Variants in DLG2 observed in about 807,000 individuals in gnomAD.
The protein encoded by DLG2 is disks large homolog 2.
DLG2 carries 45 observed loss-of-function variants against 132.5 expected under a neutral mutation model. That is an observed-to-expected ratio of 0.34 (90% CI 0.27 to 0.44). The LOEUF (loss-of-function observed/expected upper bound fraction) is 0.44. Ranked by LOEUF, DLG2 falls within the 20% of genes least tolerant of loss-of-function variation. The pLI is 1.00. For missense variants in DLG2, 1,045 were observed against 1,196.9 expected, an observed-to-expected ratio of 0.87 and a Z score of 1.87; for synonymous variants, 424 against 419.6, an observed-to-expected ratio of 1.01 and a Z score of -0.13.
chr11:83,980,792 C>A, intron 11 of DLG2, 150 bp from the exon 12 acceptor site: 1 of 797,398 alleles, frequency 1.3e-6, no homozygotes, highest in Non-Finnish European at 1.8e-6. Context: ...GTATTTCAAT[C>A]TCGTTATTTA....
intron 7 of DLG2, among the ~76,000 whole-genome samples, chr11:84,333,319 T>C (rs1295481706): frequency 6.6e-6 from 1 of 152,216 alleles, no homozygotes; most frequent in East Asian, 1.9e-4. Flanking sequence ...ATACAACTGC[T>C]TTTGCTTTAA....
intron 17 of DLG2, among the ~76,000 whole-genome samples, chr11:83,819,829 A>G (rs1441720541): frequency 6.6e-6 from 1 of 152,130 alleles, no homozygotes; most frequent in Non-Finnish European, 1.5e-5. Flanking sequence ...GGTCAGTCCA[A>G]CGTTGAAGAA....
At chr11:83,856,835 T>C (rs189682116) in intron 16 of DLG2, among the ~76,000 whole-genome samples, 105 of 152,330 alleles carry the variant, frequency 6.9e-4, no homozygotes, top group African/African-American at 2.5e-3. Flanking sequence ...TTTAATTAAA[T>C]ATCATTTGCC....
chr11:84,003,551 C>G (rs1318662656), intron 11 of DLG2, among the ~76,000 whole-genome samples: 1 of 152,124 alleles, frequency 6.6e-6, no homozygotes, highest in Non-Finnish European at 1.5e-5. Flanking sequence ...ACACCTTCTT[C>G]ACAAGGTGGC....
intron 3 of DLG2, among the ~76,000 whole-genome samples, chr11:85,432,143 A>T (rs2091227475): frequency 6.6e-6 from 1 of 152,224 alleles, no homozygotes; most frequent in Non-Finnish European, 1.5e-5. Flanking sequence ...TCAATGATAA[A>T]AGTCCCCCAA....
At chr11:83,526,642 G>A (rs2095616817) in intron 21 of DLG2, among the ~76,000 whole-genome samples, 1 of 152,124 alleles carries the variant, frequency 6.6e-6, no homozygotes, top group African/African-American at 2.4e-5. Context: ...TTGCTTACAG[G>A]ATAAAGTATA....
intron 7 of DLG2, among the ~76,000 whole-genome samples, chr11:84,446,816 C>A (rs769989312): frequency 1.3e-5 from 2 of 152,036 alleles, no homozygotes; most frequent in Non-Finnish European, 2.9e-5. Context: ...CCCTGAATGT[C>A]CATCAAAACC....
chr11:85,291,064 T>C (rs1160268326), intron 3 of DLG2, among the ~76,000 whole-genome samples: 1 of 152,190 alleles, frequency 6.6e-6, no homozygotes, highest in Non-Finnish European at 1.5e-5. Flanking sequence ...TTCAAGCATT[T>C]GATGAGATTT....
At chr11:84,046,160 T>C (rs554171476) in intron 11 of DLG2, among the ~76,000 whole-genome samples, 3 of 151,758 alleles carry the variant, frequency 2.0e-5, no homozygotes, top group African/African-American at 7.2e-5. Context: ...ACTATTTCCT[T>C]TGAGGGCACA....
chr11:84,934,336 T>C (rs1374355580), intron 6 of DLG2, among the ~76,000 whole-genome samples: 1 of 151,878 alleles, frequency 6.6e-6, no homozygotes, highest in African/African-American at 2.4e-5. Context: ...AAGTTTTCTT[T>C]TTTTAATGTT....
intron 6 of DLG2, among the ~76,000 whole-genome samples, chr11:84,631,018 T>TCTCTCTCTCTCA (rs1217703556): frequency 3.5e-4 from 33 of 94,288 alleles, no homozygotes; most frequent in African/African-American, 1.2e-3. Flanking sequence ...TCTCTCTCTC[T>TCTCTCTCTCTCA]CACACACACA....
chr11:83,611,857 C>A (rs947710947), intron 19 of DLG2, among the ~76,000 whole-genome samples: 2 of 152,120 alleles, frequency 1.3e-5, no homozygotes, highest in Admixed American at 1.3e-4. Flanking sequence ...ATTCAAAGAT[C>A]ATTTCTTTCT....
At chr11:84,546,169 T>C (rs1160830976) in intron 6 of DLG2, among the ~76,000 whole-genome samples, 1 of 152,132 alleles carries the variant, frequency 6.6e-6, no homozygotes, top group Non-Finnish European at 1.5e-5. Context: ...TGGGGCCTGG[T>C]GGGAGGTGAT....
At chr11:85,298,359 C>T (rs2079372745) in intron 3 of DLG2, among the ~76,000 whole-genome samples, 1 of 151,992 alleles carries the variant, frequency 6.6e-6, no homozygotes. Flanking sequence ...AAAATAACTT[C>T]ACAGTGGGGA....
At chr11:84,695,070 AT>A (rs1256836628) in intron 6 of DLG2, among the ~76,000 whole-genome samples, 2 of 151,670 alleles carry the variant, frequency 1.3e-5, no homozygotes, top group African/African-American at 4.8e-5. Flanking sequence ...GATTAAAAAA[AT>A]ATGCTTCGGT....
At chr11:83,935,904 A>G (rs978205413) in intron 14 of DLG2, among the ~76,000 whole-genome samples, 1 of 152,186 alleles carries the variant, frequency 6.6e-6, no homozygotes, top group African/African-American at 2.4e-5. Context: ...CCTCATCTGG[A>G]AAGTGGGAAT....
chr11:84,929,513 G>A (rs866111307), intron 6 of DLG2, among the ~76,000 whole-genome samples: 1 of 152,064 alleles, frequency 6.6e-6, no homozygotes, highest in African/African-American at 2.4e-5. Context: ...GCACCCACAT[G>A]TATAGACAGA....
At chr11:84,490,335 T>G (rs1002054231) in intron 7 of DLG2, among the ~76,000 whole-genome samples, 1 of 152,172 alleles carries the variant, frequency 6.6e-6, no homozygotes, top group Non-Finnish European at 1.5e-5. Flanking sequence ...ACAAGTTCCT[T>G]TAAACCAGAA....
intron 6 of DLG2, among the ~76,000 whole-genome samples, chr11:84,991,969 C>A (rs971246970): frequency 6.6e-6 from 1 of 152,056 alleles, no homozygotes; most frequent in Non-Finnish European, 1.5e-5. Flanking sequence ...AATATCATAC[C>A]TTTCTTTCCC....
Sources: allele counts gnomAD v4.1 joint callset (sites outside exome capture counted in the v4.1 genomes callset), GRCh38; gene constraint gnomAD v4.1.1; transcripts MANE v1.5; gene names NCBI Gene and HGNC (gene_info 2026-07-23, HGNC 2026-07-21).